The following NIM1K variants were observed in gnomAD, a reference collection of about 807,000 sequenced individuals.
The protein encoded by NIM1K is NIM1 serine/threonine protein kinase, also known as serine/threonine-protein kinase NIM1.
In NIM1K, 35 loss-of-function variants were observed where a neutral mutation model predicts 37.1. The observed-to-expected ratio is 0.94, with a 90% CI of 0.72 to 1.25. NIM1K has a LOEUF of 1.25. Ranked by LOEUF, NIM1K falls within the 50% of genes most tolerant of loss-of-function variation. NIM1K has a pLI of 0.00. For synonymous variants in NIM1K, 234 were observed against 206.6 expected, an observed-to-expected ratio of 1.13 and a Z score of -1.14; for missense variants, 564 against 548.0, an observed-to-expected ratio of 1.03 and a Z score of -0.29.
At chr5:43,233,275 T>C (rs921457089) in intron 1 of NIM1K, 4 of 507,678 alleles carry the variant, frequency 7.9e-6, no homozygotes, top group Non-Finnish European at 1.3e-5. Context: ...AACCTGCCTA[T>C]TATTTTCTTT....
intron 2 of NIM1K, among the ~76,000 whole-genome samples, chr5:43,254,074 G>A (rs1014391817): frequency 1.3e-5 from 2 of 152,210 alleles, no homozygotes; most frequent in African/African-American, 4.8e-5. Context: ...AGAAAAAAAT[G>A]TTAGTCAAAT....
chr5:43,277,656 C>T (rs1753365983), intron 3 of NIM1K, among the ~76,000 whole-genome samples: 1 of 152,046 alleles, frequency 6.6e-6, no homozygotes, highest in Non-Finnish European at 1.5e-5. Context: ...CTCACTGCTT[C>T]TTGGTTTTGC....
intron 1 of NIM1K, among the ~76,000 whole-genome samples, chr5:43,234,889 C>T (rs1752596131): frequency 6.6e-6 from 1 of 152,120 alleles, no homozygotes; most frequent in South Asian, 2.1e-4. Flanking sequence ...CCCACCTTGG[C>T]CTCCCAAAGT....
intron 1 of NIM1K, among the ~76,000 whole-genome samples, chr5:43,222,130 T>C (rs6877778): frequency 1.3e-5 from 2 of 152,216 alleles, no homozygotes; most frequent in African/African-American, 4.8e-5. Flanking sequence ...TGAGGCCATC[T>C]ATTTTGTTTG....
At chr5:43,210,062 C>T (rs1189869073) in intron 1 of NIM1K, among the ~76,000 whole-genome samples, 1 of 151,938 alleles carries the variant, frequency 6.6e-6, no homozygotes, top group Non-Finnish European at 1.5e-5. Context: ...CAAGTATGTA[C>T]ACAGTAACTG....
chr5:43,273,238 C>T (rs1753284751), intron 2 of NIM1K, among the ~76,000 whole-genome samples: 1 of 150,928 alleles, frequency 6.6e-6, no homozygotes, highest in African/African-American at 2.4e-5. Context: ...GAGTCTCACT[C>T]TGTCACCTAG....
chr5:43,247,718 A>G (rs573745530), intron 2 of NIM1K, among the ~76,000 whole-genome samples: 4 of 152,238 alleles, frequency 2.6e-5, no homozygotes, highest in African/African-American at 9.6e-5. Context: ...CAACTTGCAC[A>G]TACTGCAGAC....
At chr5:43,229,228 T>C (rs1752502414) in intron 1 of NIM1K, among the ~76,000 whole-genome samples, 1 of 151,712 alleles carries the variant, frequency 6.6e-6, no homozygotes, top group South Asian at 2.1e-4. Context: ...CTACTAAAAA[T>C]ACAAAAATTA....
intron 1 of NIM1K, chr5:43,231,747 A>T (rs2112243640): frequency 2.9e-6 from 3 of 1,021,420 alleles, no homozygotes; most frequent in Non-Finnish European, 4.3e-6. Context: ...TCAGACCACA[A>T]CTTTTCAATG....
chr5:43,241,266 A>C (rs190030125), intron 1 of NIM1K, among the ~76,000 whole-genome samples: 2 of 151,992 alleles, frequency 1.3e-5, no homozygotes, highest in Non-Finnish European at 2.9e-5. Context: ...TTTTCTGTGA[A>C]ATGTCTGCTC....
chr5:43,213,289 C>CCTTTTCTTTTCTTTTCTTTTCTTTT (rs1172681240), intron 1 of NIM1K, among the ~76,000 whole-genome samples: 1 of 37,816 alleles, frequency 2.6e-5, no homozygotes, highest in African/African-American at 5.9e-5. Flanking sequence ...TGTTTCCTTT[C>CCTTTTCTTTTCTTTTCTTTTCTTTT]CTTTTCTTTT....
chr5:43,231,751 T>C lies in NIM1K; in HGVS notation c.-694-13331T>C, dbSNP rs146553436. On this transcript the variant is annotated intron_variant, in intron 1 of 3. Transcript: ENST00000326035. ...AAATTAACTGATCAGACCACAACTT[T>C]TCAATGTTTAAAACAGAATAAGCTT... The C allele has an allele frequency of 1.2e-3, 1,232 of 1,051,198 alleles. 8 individuals carry two copies. The African/African-American group carries it at 0.019, about 16-fold the overall frequency. 65.1% of individuals were successfully genotyped at this position (1,051,198 alleles called of 1,614,324 possible).
chr5:43,268,110 T>C (rs1045836373), intron 2 of NIM1K, among the ~76,000 whole-genome samples: 1 of 152,202 alleles, frequency 6.6e-6, no homozygotes, highest in Non-Finnish European at 1.5e-5. Flanking sequence ...GCAGTAATTG[T>C]TTTATGAATT....
rs181659162 is a variant in NIM1K at position 43,215,604 on chromosome 5, T to C, written c.-695+23193T>C. ...GTGCGCCACCACGCCCAGCTAATTT[T>C]TGTATGTTTAGTAGAGACGATGTTT... On this transcript the variant is annotated intron_variant, in intron 1 of 3. Transcript: ENST00000326035. 2.2e-3 allele frequency among the ~76,000 whole-genome samples: 329 copies of C among 152,304 alleles called. 10 individuals are homozygous for C. In the East Asian group the frequency reaches 0.041, roughly 19 times the overall value.
chr5:43,206,871 G>A (rs1752121057), intron 1 of NIM1K: 10 of 769,388 alleles, frequency 1.3e-5, no homozygotes, highest in Non-Finnish European at 1.7e-5. Context: ...AAACAAGAAC[G>A]GCAGCTTTGC....
intron 1 of NIM1K, among the ~76,000 whole-genome samples, chr5:43,236,691 G>C (rs1455860835): frequency 6.6e-6 from 1 of 152,192 alleles, no homozygotes; most frequent in African/African-American, 2.4e-5. Context: ...GATGGCAAAG[G>C]GAACCTCAAG....
chr5:43,239,421 G>A (rs1240542482), intron 1 of NIM1K, among the ~76,000 whole-genome samples: 1 of 151,890 alleles, frequency 6.6e-6, no homozygotes, highest in Non-Finnish European at 1.5e-5. Flanking sequence ...TGTATTTTTA[G>A]TAGAGTCTGG....
chr5:43,196,397 G>A (rs1751914515), intron 1 of NIM1K, among the ~76,000 whole-genome samples: 1 of 152,054 alleles, frequency 6.6e-6, no homozygotes, highest in African/African-American at 2.4e-5. Flanking sequence ...GGGAGGCCGA[G>A]GTGGGTGGAT....
chr5:43,260,273 A>G (rs933781847), intron 2 of NIM1K, among the ~76,000 whole-genome samples: 4 of 152,180 alleles, frequency 2.6e-5, no homozygotes, highest in African/African-American at 9.7e-5. Flanking sequence ...GTTGAACAGA[A>G]GTGATGAAAG....
Sources: gnomAD v4.1 joint callset for allele counts (sites outside exome capture counted in the v4.1 genomes callset) on GRCh38, gnomAD v4.1.1 for gene constraint, MANE v1.5 for transcripts, NCBI Gene and HGNC (gene_info 2026-07-23, HGNC 2026-07-21) for gene names.